The following AGO2 variants were observed in gnomAD, a reference collection of about 807,000 sequenced individuals.
AGO2 encodes the protein argonaute RISC catalytic component 2.
Under a neutral mutation model 102.3 loss-of-function variants are expected in AGO2, and 5 were observed. The ratio of observed to expected loss-of-function variants is 0.05; its 90% CI spans 0.03 to 0.10. AGO2 has a LOEUF of 0.10. Among genes scored for constraint, AGO2 ranks in the 10% least tolerant of loss-of-function variants. The pLI is 1.00. For synonymous variants in AGO2, 449 were observed against 473.1 expected, an observed-to-expected ratio of 0.95 and a Z score of 0.66; for missense variants, 541 against 1,183.7, an observed-to-expected ratio of 0.46 and a Z score of 7.97.
Position 140,540,429 on chromosome 8 carries a change from G to T in AGO2, c.2034+735C>A, listed in dbSNP as rs1021826353. On this transcript the variant is annotated intron_variant, in intron 15 of 18. Coordinates refer to ENST00000220592, the MANE Select transcript of AGO2 (RefSeq NM_012154.5). This position sits in a 1 kb window ranked among gnomAD's most constrained non-coding sequence, Gnocchi z 5.0. ...GCTAACACCTCCCAAGGAAGCGACCGTGTGGCATGGCGAGGGGTGGGGAGG... is the reference window on the plus strand; with the variant it reads ...GCTAACACCTCCCAAGGAAGCGACCTTGTGGCATGGCGAGGGGTGGGGAGG... Among the ~76,000 whole-genome samples, 1 of 152,198 alleles carries T rather than the reference G, an allele frequency of 6.6e-6. No homozygotes were observed. The highest frequency in any genetic ancestry group is 1.5e-5 in the Non-Finnish European group (1 of 68,022).
In AGO2 at chr8:140,567,403, C is replaced by T. The variant is rs761584711; in HGVS notation, c.337-4769G>A. ...AGGTGGTCCACACCCGAGACACTGC[C>T]GCCTCTCAACAGCCCAAAGCGCTCG... On this transcript the variant is annotated intron_variant, in intron 3 of 18. Transcript: ENST00000220592. This position sits in a 1 kb window ranked among gnomAD's most constrained non-coding sequence, Gnocchi z 5.0. Among the ~76,000 whole-genome samples, 1 of 152,244 alleles carries T rather than the reference C, an allele frequency of 6.6e-6. No individual in the cohort carries two copies. Among genetic ancestry groups the T allele is most frequent in the Non-Finnish European group, 1.5e-5 (1 of 68,052 alleles).
chr8:140,605,974 C>T (rs1248295875), intron 1 of AGO2: 1 of 152,242 alleles, frequency 6.6e-6, no homozygotes, highest in Non-Finnish European at 1.5e-5. Context: ...CTCAATATTC[C>T]ATGCCTTCGA....
At chr8:140,535,342 T>C in intron 17 of AGO2, 126 bp downstream of exon 17, 2 of 803,586 alleles carry the variant, frequency 2.5e-6, no homozygotes, top group African/African-American at 1.7e-5. Context: ...CCCGGTTCCC[T>C]GGTACTGCCT....
intron 3 of AGO2, among the ~76,000 whole-genome samples, chr8:140,569,092 C>T (rs1482032112): frequency 1.3e-5 from 2 of 152,276 alleles, no homozygotes; most frequent in African/African-American, 2.4e-5. Context: ...CTTGGCCTCC[C>T]TTGCTGCCAG....
At chr8:140,640,360 A>AT (rs2074433264), upstream of AGO2, among the ~76,000 whole-genome samples, 1 of 151,508 alleles carries the variant, frequency 6.6e-6, no homozygotes, top group African/African-American at 2.4e-5. Context: ...TTCAAACTGT[A>AT]TTTTTTTCAG....
chr8:140,553,962 A>G (rs899062756), intron 10 of AGO2, among the ~76,000 whole-genome samples: 13 of 152,318 alleles, frequency 8.5e-5, no homozygotes, highest in Non-Finnish European at 1.2e-4. Flanking sequence ...TTGGCCTCCC[A>G]AAGTGCTGGG....
At chr8:140,592,497 T>C (rs1193216802) in intron 1 of AGO2, 3 of 152,234 alleles carry the variant, frequency 2.0e-5, no homozygotes, top group Non-Finnish European at 4.4e-5. Flanking sequence ...AATACACAGA[T>C]GAATAAAAGA....
At chr8:140,573,469 C>T (rs2073417729) in intron 2 of AGO2, among the ~76,000 whole-genome samples, 2 of 152,178 alleles carry the variant, frequency 1.3e-5, no homozygotes, top group African/African-American at 4.8e-5. Flanking sequence ...TGAGCCACCG[C>T]ACCCAGCCCT....
At chr8:140,581,956 C>T (rs1157628271) in intron 2 of AGO2, among the ~76,000 whole-genome samples, 1 of 152,190 alleles carries the variant, frequency 6.6e-6, no homozygotes, top group African/African-American at 2.4e-5. Context: ...TACTCAACAG[C>T]AGTCACTCCC....
chr8:140,607,501 TATATATATATATATAC>T lies in AGO2; in HGVS notation c.23-22206_23-22191del, dbSNP rs1206625209. On this transcript the variant is annotated intron_variant, in intron 1 of 18. Transcript: ENST00000220592. ...ATATATATATATATATATATATATA[TATATATATATATATAC>T]ACACACACACACGTATGGAAAAAAA... is the stretch of plus-strand genomic sequence containing the variant. 6.4e-3 allele frequency among the ~76,000 whole-genome samples: 90 copies of T among 13,970 alleles called. 10 individuals are homozygous for T. Among genetic ancestry groups the T allele is most frequent in the African/African-American group, 0.016 (78 of 5,022 alleles). 9.2% of individuals were successfully genotyped at this position (13,970 alleles called of 152,430 possible). A position where few individuals can be genotyped will look rare whatever the true frequency, so the allele number is the denominator to read the frequency against.
Position 140,530,734 on chromosome 8 carries a change from C to G in AGO2, c.*1310G>C, listed in dbSNP as rs189207261. 2.6e-4 allele frequency: 40 copies of G among 152,494 alleles called. No homozygotes were observed. The highest frequency in any genetic ancestry group is 8.9e-4 in the African/African-American group (37 of 41,600). The allele number at this position is 152,494 out of a possible 1,614,324, so 9.4% of individuals were successfully genotyped here. ...TCCTTCGCTGTGACCGACGGCCTCACGCCCAGCAGAGCCACCACCAACAGC... is the reference window on the plus strand; with the variant it reads ...TCCTTCGCTGTGACCGACGGCCTCAGGCCCAGCAGAGCCACCACCAACAGC... On this transcript the variant is annotated 3_prime_UTR_variant, in exon 19 of 19. Transcript: ENST00000220592.
chr8:140,619,260 C>T (rs1472625315), intron 1 of AGO2, among the ~76,000 whole-genome samples: 3 of 152,354 alleles, frequency 2.0e-5, no homozygotes, highest in East Asian at 1.9e-4. Context: ...CTAATATTCA[C>T]GGGCAACACC....
chr8:140,561,703 C>T (rs893131399), intron 4 of AGO2, among the ~76,000 whole-genome samples: 17 of 152,222 alleles, frequency 1.1e-4, no homozygotes, highest in African/African-American at 4.1e-4. Context: ...AGCACCTTCT[C>T]TTCTATGAGG....
intron 1 of AGO2, among the ~76,000 whole-genome samples, chr8:140,624,446 C>G (rs2152108767): frequency 6.6e-6 from 1 of 152,372 alleles, no homozygotes; most frequent in South Asian, 2.1e-4. Flanking sequence ...CTTGGAGAGC[C>G]TGCATCCAAA....
Position 140,594,624 on chromosome 8 carries a change from CA to C in AGO2, c.23-9314del, listed in dbSNP as rs547509822. 1.9e-4 allele frequency among the ~76,000 whole-genome samples: 28 copies of C among 148,552 alleles called. No individual in the cohort carries two copies. The East Asian group carries it at 4.3e-3, about 23-fold the overall frequency. On this transcript the variant is annotated intron_variant, in intron 1 of 18. Transcript: ENST00000220592. ...GAAACATGGCAAAATCCCATCTGTA[CA>C]AAAAAAAATAAAAAATAAAAATAAA... is the stretch of plus-strand genomic sequence containing the variant.
At chr8:140,603,297 C>T (rs775812114) in intron 1 of AGO2, among the ~76,000 whole-genome samples, 11 of 152,188 alleles carry the variant, frequency 7.2e-5, no homozygotes, top group Non-Finnish European at 1.2e-4. Flanking sequence ...GCCTCCACAC[C>T]GGGCTGTGTT....
At chr8:140,590,431 C>T (rs2073730524) in intron 1 of AGO2, among the ~76,000 whole-genome samples, 1 of 152,224 alleles carries the variant, frequency 6.6e-6, no homozygotes, top group African/African-American at 2.4e-5. Context: ...AGATGGGGGT[C>T]CCAGGTCCCT....
At chr8:140,558,640 G>C (rs2073142476) in intron 6 of AGO2, 68 bp from the exon 7 acceptor site, 2 of 1,520,180 alleles carry the variant, frequency 1.3e-6, no homozygotes, top group African/African-American at 2.7e-5. Context: ...CCACTTGCGA[G>C]AATCAGTTTT....
At chr8:140,604,102 C>T (rs749590003) in intron 1 of AGO2, among the ~76,000 whole-genome samples, 1 of 152,214 alleles carries the variant, frequency 6.6e-6, no homozygotes, top group Non-Finnish European at 1.5e-5. Flanking sequence ...CCCCAGCAGC[C>T]CCGGAGGCTC....
Sources: gnomAD v4.1 joint callset for allele counts (sites outside exome capture counted in the v4.1 genomes callset) on GRCh38, gnomAD v4.1.1 for gene constraint, Gnocchi (gnomAD v3.1) non-coding constraint, MANE v1.5 for transcripts, NCBI Gene and HGNC (gene_info 2026-07-23, HGNC 2026-07-21) for gene names.